Variants in OR56A1 observed in about 807,000 individuals in gnomAD.
OR56A1 encodes the protein olfactory receptor 56A1.
For missense variants in OR56A1, 360 were observed against 380.9 expected (o/e 0.94, Z 0.46); for synonymous variants, 174 against 159.1 (o/e 1.09, Z -0.70).
chr11:6,033,751 G>T (rs915126635), upstream of OR56A1, among the ~76,000 whole-genome samples: 1 of 151,842 alleles, frequency 6.6e-6, no homozygotes, highest in Non-Finnish European at 1.5e-5. Context: ...GGCAAAATAA[G>T]GACCACTAGA....
In OR56A1 at chr11:6,025,283, AG is replaced by A. The variant is rs1848436083; in HGVS notation, c.*1464del. 1 of 152,214 alleles carries A rather than the reference AG, an allele frequency of 6.6e-6. No homozygotes were observed. The highest frequency in any genetic ancestry group is 1.5e-5 in the Non-Finnish European group (1 of 68,058). The allele number at this position is 152,214 out of a possible 1,614,324, so 9.4% of individuals were successfully genotyped here. A position where few individuals can be genotyped will look rare whatever the true frequency, so the allele number is the denominator to read the frequency against. On this transcript the variant is annotated 3_prime_UTR_variant, in exon 2 of 2. Coordinates refer to ENST00000641900, the MANE Select transcript of OR56A1 (RefSeq NM_001388488.1). Reference sequence around the variant, plus strand: ...TACTAACACTTATCTCTCAGTCCCAAGCCTGCCGTCCATACTGTACTCTGTC... The same window carrying A: ...TACTAACACTTATCTCTCAGTCCCAACCTGCCGTCCATACTGTACTCTGTC...
rs1358405733 is a variant in OR56A1, at chr11:6,020,069, A to C, written c.*6679T>G. 1 of 152,098 alleles carries C rather than the reference A, an allele frequency of 6.6e-6. No homozygotes were observed. Among genetic ancestry groups the C allele is most frequent in the Non-Finnish European group, 1.5e-5 (1 of 67,974 alleles). The allele number at this position is 152,098 out of a possible 1,614,324, so 9.4% of individuals were successfully genotyped here. ...AATGTATCAAGGTTTATTTTTTCCA[A>C]GAGTATTGACTCAGGTATCTCTCCT... is the stretch of plus-strand genomic sequence containing the variant. On this transcript the variant is annotated 3_prime_UTR_variant, in exon 2 of 2. Coordinates refer to ENST00000641900, the MANE Select transcript of OR56A1 (RefSeq NM_001388488.1).
In OR56A1 at chr11:6,026,644, C is replaced by G; in HGVS notation, c.*104G>C. The G allele has an allele frequency of 1.4e-6, 1 of 711,706 alleles. No individual in the cohort carries two copies. Among genetic ancestry groups the G allele is most frequent in the Non-Finnish European group, 2.4e-6 (1 of 415,288 alleles). 44.1% of individuals were successfully genotyped at this position (711,706 alleles called of 1,614,324 possible). Reference sequence around the variant, plus strand: ...TCTGGTTCAGTAATGAAGGGAGCCTCAGTGCATGCAATAAACACTCACTAA... The same window carrying G: ...TCTGGTTCAGTAATGAAGGGAGCCTGAGTGCATGCAATAAACACTCACTAA... On this transcript the variant is annotated 3_prime_UTR_variant, in exon 2 of 2. Coordinates refer to ENST00000641900, the MANE Select transcript of OR56A1 (RefSeq NM_001388488.1).
rs1189161506 is a variant in OR56A1, at chr11:6,026,380, G to C, written c.*368C>G. ...ATTGATGAGGCATTTCAACTATGTA[G>C]AAAGAGCCTAGGTTTTATTGTTTTT... On this transcript the variant is annotated 3_prime_UTR_variant, in exon 2 of 2. Transcript: ENST00000641900. The C allele has an allele frequency of 1.1e-5, 2 of 178,484 alleles. No individual in the cohort carries two copies. Among genetic ancestry groups the C allele is most frequent in the Non-Finnish European group, 2.4e-5 (2 of 84,448 alleles). The allele number at this position is 178,484 out of a possible 1,614,324, so 11.1% of individuals were successfully genotyped here. A position where few individuals can be genotyped will look rare whatever the true frequency, so the allele number is the denominator to read the frequency against.
chr11:6,027,471 G>A lies in OR56A1; in HGVS notation c.222C>T (p.Ile74=), dbSNP rs780877041. The A allele has an allele frequency of 6.2e-6, 10 of 1,614,176 alleles. No homozygotes were observed. The highest frequency in any genetic ancestry group is 3.3e-5 in the South Asian group (3 of 91,074). ...YLLSLLSLLD[I]VLCLTVIPKV... is the part of the protein sequence containing the mutation. ...TGGGGATGACGGTGAGGCAGAGCACGATGTCCAGCAGGGAGAGGAGGCTGA... is the reference window on the plus strand; with the variant it reads ...TGGGGATGACGGTGAGGCAGAGCACAATGTCCAGCAGGGAGAGGAGGCTGA... The change falls in exon 2 of 2, where the codon ATC becomes ATT. Residue 74 remains isoleucine (I), a synonymous_variant. Transcript: ENST00000641900.
At chr11:6,032,248 AAG>A (rs1465056130), upstream of OR56A1, among the ~76,000 whole-genome samples, 4 of 152,278 alleles carry the variant, frequency 2.6e-5, no homozygotes, top group African/African-American at 9.6e-5. Context: ...GCGGAAATGA[AAG>A]ATACTGTGGT....
rs1848410664 is a variant in OR56A1 at position 6,022,852 on chromosome 11, T to C, written c.*3896A>G. On this transcript the variant is annotated 3_prime_UTR_variant, in exon 2 of 2. Coordinates refer to ENST00000641900, the MANE Select transcript of OR56A1 (RefSeq NM_001388488.1). Reference sequence around the variant, plus strand: ...GGTTGAATAGGTGCAGAAATGTTGTTATTATATACAGTACTCAGCCAAATG... The same window carrying C: ...GGTTGAATAGGTGCAGAAATGTTGTCATTATATACAGTACTCAGCCAAATG... 6.6e-6 allele frequency: 1 copy of C among 152,200 alleles called. No homozygotes were observed. The highest frequency in any genetic ancestry group is 1.5e-5 in the Non-Finnish European group (1 of 68,020). 9.4% of individuals were successfully genotyped at this position (152,200 alleles called of 1,614,324 possible).
At position 6,019,536 on chromosome 11, in the gene OR56A1, C is replaced by T. The variant is rs985787363; in HGVS notation, c.*7212G>A. ...CATGGCAGAAGACAAGAAGGAGCAA[C>T]TTACATCTTGCATGGGTGGTGGGAG... On this transcript the variant is annotated 3_prime_UTR_variant, in exon 2 of 2. Coordinates refer to ENST00000641900, the MANE Select transcript of OR56A1 (RefSeq NM_001388488.1). The T allele has an allele frequency of 2.6e-5, 4 of 152,184 alleles. No homozygotes were observed. Among genetic ancestry groups the T allele is most frequent in the African/African-American group, 4.8e-5 (2 of 41,420 alleles). The allele number at this position is 152,184 out of a possible 1,614,324, so 9.4% of individuals were successfully genotyped here.
intron 1 of OR56A1, among the ~76,000 whole-genome samples, chr11:6,030,280 T>A (rs1848499691): frequency 6.6e-6 from 1 of 152,172 alleles, no homozygotes; most frequent in South Asian, 2.1e-4. Context: ...ATATTACCAG[T>A]CATCTGATTA....
intron 1 of OR56A1, among the ~76,000 whole-genome samples, chr11:6,028,583 T>C (rs562215735): frequency 6.6e-6 from 1 of 152,290 alleles, no homozygotes; most frequent in South Asian, 2.1e-4. Flanking sequence ...CATAGTGAGA[T>C]ACATATTACC....
intron 1 of OR56A1, among the ~76,000 whole-genome samples, chr11:6,028,981 C>T (rs1323142743): frequency 6.6e-6 from 1 of 152,028 alleles, no homozygotes; most frequent in Non-Finnish European, 1.5e-5. Context: ...ATGTCTTTTG[C>T]AGCAACGTAG....
rs1365496242 is a variant in OR56A1, at chr11:6,024,292, A to G, written c.*2456T>C. On this transcript the variant is annotated 3_prime_UTR_variant, in exon 2 of 2. Transcript: ENST00000641900. ...CCATCCTTTACAAATCCCTACAACA[A>G]AGTTGGTAGTTTCTATCCCTATGTA... The G allele has an allele frequency of 1.3e-5, 2 of 152,168 alleles. No individual in the cohort carries two copies. The highest frequency in any genetic ancestry group is 3.8e-4 in the East Asian group (2 of 5,198). 9.4% of individuals were successfully genotyped at this position (152,168 alleles called of 1,614,324 possible). A position where few individuals can be genotyped will look rare whatever the true frequency, so the allele number is the denominator to read the frequency against.
upstream of OR56A1, among the ~76,000 whole-genome samples, chr11:6,031,608 AG>A (rs1216167235): frequency 2.6e-4 from 39 of 152,316 alleles, no homozygotes; most frequent in East Asian, 6.7e-3. Context: ...ATAGGTGAGA[AG>A]CCCAGAGTGA....
In OR56A1 at chr11:6,025,546, G is replaced by A. The variant is rs1848438800; in HGVS notation, c.*1202C>T. 1 of 152,184 alleles carries A rather than the reference G, an allele frequency of 6.6e-6. No individual in the cohort carries two copies. Among genetic ancestry groups the A allele is most frequent in the South Asian group, 2.1e-4 (1 of 4,830 alleles). 9.4% of individuals were successfully genotyped at this position (152,184 alleles called of 1,614,324 possible). ...GGTTTTGGTTTTTGTTTAACTCCCA[G>A]CCTTATTGAACTCTCTCAAAAATAC... On this transcript the variant is annotated 3_prime_UTR_variant, in exon 2 of 2. Coordinates refer to ENST00000641900, the MANE Select transcript of OR56A1 (RefSeq NM_001388488.1).
At position 6,022,489 on chromosome 11, in the gene OR56A1, G is replaced by A. The variant is rs1169145092; in HGVS notation, c.*4259C>T. On this transcript the variant is annotated 3_prime_UTR_variant, in exon 2 of 2. Transcript: ENST00000641900. Reference sequence around the variant, plus strand: ...GCATTGACTAATTCAATGCGTGTGGGTTTTTAGTGTACTCTGCCTTTGATA... The same window carrying A: ...GCATTGACTAATTCAATGCGTGTGGATTTTTAGTGTACTCTGCCTTTGATA... 2 of 152,134 alleles carry A rather than the reference G, an allele frequency of 1.3e-5. No homozygotes were observed. Among genetic ancestry groups the A allele is most frequent in the Non-Finnish European group, 2.9e-5 (2 of 68,016 alleles). 9.4% of individuals were successfully genotyped at this position (152,134 alleles called of 1,614,324 possible). A position where few individuals can be genotyped will look rare whatever the true frequency, so the allele number is the denominator to read the frequency against.
intron 1 of OR56A1, among the ~76,000 whole-genome samples, chr11:6,030,441 A>G (rs887814781): frequency 1.3e-5 from 2 of 152,108 alleles, no homozygotes; most frequent in Non-Finnish European, 2.9e-5. Flanking sequence ...ATTGCTAGGT[A>G]CACATAGTTA....
rs1258040472 is a variant in OR56A1 at position 6,023,747 on chromosome 11, C to T, written c.*3001G>A. 6.6e-6 allele frequency: 1 copy of T among 152,168 alleles called. No individual in the cohort carries two copies. Among genetic ancestry groups the T allele is most frequent in the Admixed American group, 6.5e-5 (1 of 15,288 alleles). 9.4% of individuals were successfully genotyped at this position (152,168 alleles called of 1,614,324 possible). ...TGAAAAACTGACAAAACATTGGTAC[C>T]CCATCCATTTAAAATGCCTTTAATT... On this transcript the variant is annotated 3_prime_UTR_variant, in exon 2 of 2. Coordinates refer to ENST00000641900, the MANE Select transcript of OR56A1 (RefSeq NM_001388488.1).
At position 6,024,322 on chromosome 11, in the gene OR56A1, C is replaced by G. The variant is rs1360144840; in HGVS notation, c.*2426G>C. 6.6e-6 allele frequency: 1 copy of G among 152,164 alleles called. No homozygotes were observed. Among genetic ancestry groups the G allele is most frequent in the Non-Finnish European group, 1.5e-5 (1 of 68,028 alleles). 9.4% of individuals were successfully genotyped at this position (152,164 alleles called of 1,614,324 possible). A position where few individuals can be genotyped will look rare whatever the true frequency, so the allele number is the denominator to read the frequency against. The stretch of plus-strand genomic sequence containing the variant: ...GGTAGTTTCTATCCCTATGTACACC[C>G]AGTTTGAGTCAAGCATCTCATAATT... On this transcript the variant is annotated 3_prime_UTR_variant, in exon 2 of 2. Transcript: ENST00000641900.
chr11:6,023,743 G>T lies in OR56A1; in HGVS notation c.*3005C>A, dbSNP rs1456832346. ...GTTTTGAAAAACTGACAAAACATTG[G>T]TACCCCATCCATTTAAAATGCCTTT... On this transcript the variant is annotated 3_prime_UTR_variant, in exon 2 of 2. Transcript: ENST00000641900. 6.6e-6 allele frequency: 1 copy of T among 152,140 alleles called. No homozygotes were observed. Among genetic ancestry groups the T allele is most frequent in the Non-Finnish European group, 1.5e-5 (1 of 68,016 alleles). 9.4% of individuals were successfully genotyped at this position (152,140 alleles called of 1,614,324 possible). A position where few individuals can be genotyped will look rare whatever the true frequency, so the allele number is the denominator to read the frequency against.
Sources: allele counts gnomAD v4.1 joint callset (sites outside exome capture counted in the v4.1 genomes callset), GRCh38; gene constraint gnomAD v4.1.1; transcripts MANE v1.5; gene names NCBI Gene and HGNC (gene_info 2026-07-23, HGNC 2026-07-21).